Variants in DGKB observed in about 807,000 individuals in gnomAD.
DGKB encodes the protein 90 kDa diacylglycerol kinase.
In DGKB, 67 loss-of-function variants were observed where a neutral mutation model predicts 114.3. That is an observed-to-expected ratio of 0.59 (90% confidence interval 0.48 to 0.72). The LOEUF (loss-of-function observed/expected upper bound fraction) is 0.72, where lower values mean the gene tolerates loss of function less well. DGKB is among the 30% of genes least tolerant of loss of function. DGKB has a pLI of 0.00. For missense variants in DGKB, 907 were observed against 975.2 expected (o/e 0.93, Z 0.93); for synonymous variants, 398 against 323.1 (o/e 1.23, Z -2.49).
chr7:14,624,608 C>T (rs1182189495), intron 14 of DGKB, among the ~76,000 whole-genome samples: 1 of 152,122 alleles, frequency 6.6e-6, no homozygotes, highest in Non-Finnish European at 1.5e-5. Context: ...GCAGAGATAG[C>T]AGTTGATTAA....
chr7:14,574,278 A>G lies in DGKB; in HGVS notation c.1704T>C (p.Asn568=). 3 of 1,613,342 alleles carry G rather than the reference A, an allele frequency of 1.9e-6. No individual in the cohort carries two copies. Among genetic ancestry groups the G allele is most frequent in the South Asian group, 2.2e-5 (2 of 91,074 alleles). Residue 568 remains asparagine (N), a synonymous_variant, in exon 20 of 26, where the codon AAT becomes AAC. Coordinates refer to ENST00000402815, the MANE Select transcript of DGKB (RefSeq NM_001350709.2). ...LDRWKFEVIP[N]DKDEKGDPVP... is the part of the protein sequence containing the mutation. ...CTGGGTCTCCTTTCTCATCTTTGTC[A>G]TTAGGTATGACTTCAAACTTCCACC... is the stretch of plus-strand genomic sequence containing the variant.
At chr7:14,295,960 G>A (rs1802475831) in intron 23 of DGKB, among the ~76,000 whole-genome samples, 1 of 151,454 alleles carries the variant, frequency 6.6e-6, no homozygotes, top group Non-Finnish European at 1.5e-5. Context: ...TGCAGTGTTT[G>A]GTTTTCTATT....
At chr7:14,449,936 C>A (rs1051671829) in intron 21 of DGKB, among the ~76,000 whole-genome samples, 3 of 151,984 alleles carry the variant, frequency 2.0e-5, no homozygotes, top group Non-Finnish European at 4.4e-5. Flanking sequence ...TCTTTATGAA[C>A]ATATGATAGT....
intron 20 of DGKB, among the ~76,000 whole-genome samples, chr7:14,562,765 A>G (rs1024663136): frequency 6.6e-6 from 1 of 152,080 alleles, no homozygotes; most frequent in Non-Finnish European, 1.5e-5. Flanking sequence ...TTGATTTTAC[A>G]GGCTCATAGG....
chr7:14,213,063 T>C (rs570457051), intron 23 of DGKB, among the ~76,000 whole-genome samples: 142 of 152,242 alleles, frequency 9.3e-4, no homozygotes, highest in African/African-American at 3.3e-3. Context: ...TACTCATATA[T>C]GTACCAGTTC....
chr7:14,785,448 T>C (rs973531884), intron 2 of DGKB, among the ~76,000 whole-genome samples: 1 of 152,156 alleles, frequency 6.6e-6, no homozygotes, highest in Admixed American at 6.5e-5. Context: ...TGTATGTATA[T>C]ACATGTATAT....
At chr7:14,170,144 A>AAAAAGAAAGAAAGAAAGAAAGAAAAG (rs1162860456) in intron 25 of DGKB, among the ~76,000 whole-genome samples, 1 of 122,774 alleles carries the variant, frequency 8.1e-6, no homozygotes, top group Non-Finnish European at 1.7e-5. Context: ...CAAAAAAAAA[A>AAAAAGAAAGAAAGAAAGAAAGAAAAG]AAAAGAAAGA....
intron 21 of DGKB, among the ~76,000 whole-genome samples, chr7:14,458,705 A>G (rs559713051): frequency 7.2e-5 from 11 of 152,192 alleles, no homozygotes; most frequent in Non-Finnish European, 1.5e-4. Flanking sequence ...TGCAACCTGC[A>G]CACCAGGATA....
At chr7:14,262,755 G>A (rs1358220360) in intron 23 of DGKB, among the ~76,000 whole-genome samples, 12 of 152,138 alleles carry the variant, frequency 7.9e-5, no homozygotes, top group Admixed American at 7.9e-4. Flanking sequence ...GATAAACTCA[G>A]AATTAGGGCC....
intron 13 of DGKB, among the ~76,000 whole-genome samples, chr7:14,672,711 G>A (rs183706703): frequency 1.8e-4 from 28 of 152,190 alleles, no homozygotes; most frequent in Admixed American, 6.5e-4. Context: ...CTGAGTCAGC[G>A]TCATTTCAAG....
At chr7:14,669,363 A>G (rs1195477677) in intron 13 of DGKB, among the ~76,000 whole-genome samples, 3 of 152,104 alleles carry the variant, frequency 2.0e-5, no homozygotes, top group Admixed American at 6.6e-5. Flanking sequence ...TTTTCCTCCT[A>G]TACACTCAGG....
At chr7:14,945,908 A>G (rs773831275) in intron 1 of DGKB, among the ~76,000 whole-genome samples, 1 of 151,622 alleles carries the variant, frequency 6.6e-6, no homozygotes, top group Non-Finnish European at 1.5e-5. Context: ...GTTTTCCTGA[A>G]GTTTTCTACA....
At position 14,705,690 on chromosome 7, in the gene DGKB, C is replaced by A. The variant is rs1358193474; in HGVS notation, c.467-3960G>T. Among the ~76,000 whole-genome samples the A allele has an allele frequency of 4.0e-5, 6 of 150,286 alleles. No individual in the cohort carries two copies. In the South Asian group the frequency reaches 6.5e-4, roughly 16 times the overall value. ...ATTCTTAAAGAAAAGAATTTTCAAC[C>A]CAGAATTTCATATCCAGCCAAACTA... On this transcript the variant is annotated intron_variant, in intron 6 of 25. Coordinates refer to ENST00000402815, the MANE Select transcript of DGKB (RefSeq NM_001350709.2).
chr7:14,588,828 A>C (rs865958895), intron 17 of DGKB, among the ~76,000 whole-genome samples: 1 of 152,070 alleles, frequency 6.6e-6, no homozygotes, highest in Admixed American at 6.6e-5. Context: ...CAGTAAGTCC[A>C]TATCTCAGGG....
chr7:14,652,213 C>A (rs1299794212), intron 13 of DGKB, among the ~76,000 whole-genome samples: 1 of 151,360 alleles, frequency 6.6e-6, no homozygotes, highest in Non-Finnish European at 1.5e-5. Context: ...GCCAAAAGAA[C>A]AAAGCTGGAG....
At chr7:14,612,383 C>G (rs975813570) in intron 16 of DGKB, among the ~76,000 whole-genome samples, 4 of 151,840 alleles carry the variant, frequency 2.6e-5, no homozygotes, top group African/African-American at 9.7e-5. Context: ...GTTGGCCAGG[C>G]TGGTCTCAAA....
intron 1 of DGKB, among the ~76,000 whole-genome samples, chr7:14,887,593 G>C (rs564492239): frequency 1.3e-5 from 2 of 151,692 alleles, no homozygotes; most frequent in African/African-American, 4.8e-5. Flanking sequence ...TCATCACTTG[G>C]AGATCTTAGA....
intron 13 of DGKB, among the ~76,000 whole-genome samples, chr7:14,638,955 T>A (rs1349091360): frequency 1.3e-5 from 2 of 152,072 alleles, no homozygotes; most frequent in South Asian, 2.1e-4. Context: ...GGAGAATCGC[T>A]TGAACCCGGG....
At chr7:14,183,943 G>C (rs1783009697) in intron 23 of DGKB, among the ~76,000 whole-genome samples, 1 of 152,112 alleles carries the variant, frequency 6.6e-6, no homozygotes, top group Admixed American at 6.5e-5. Flanking sequence ...TGCGGAGCCT[G>C]GGAGACCCCC....
Sources: gnomAD v4.1 joint callset for allele counts (sites outside exome capture counted in the v4.1 genomes callset) on GRCh38, gnomAD v4.1.1 for gene constraint, MANE v1.5 for transcripts, NCBI Gene and HGNC (gene_info 2026-07-23, HGNC 2026-07-21) for gene names.